The following PPIL2 variants were observed in gnomAD, a reference collection of about 807,000 sequenced individuals.
PPIL2 encodes the protein RING-type E3 ubiquitin-protein ligase PPIL2.
A neutral mutation model predicts 75.2 loss-of-function variants in PPIL2; 50 were observed. The ratio of observed to expected loss-of-function variants is 0.66; its 90% confidence interval spans 0.53 to 0.84. The LOEUF (loss-of-function observed/expected upper bound fraction) is 0.84. Ranked by LOEUF, PPIL2 falls within the 40% of genes least tolerant of loss-of-function variation. The pLI, the probability that PPIL2 is intolerant of heterozygous loss-of-function variation, is 0.00. For synonymous variants in PPIL2, 245 were observed against 258.8 expected, an observed-to-expected ratio of 0.95 and a Z score of 0.51; for missense variants, 590 against 685.0, an observed-to-expected ratio of 0.86 and a Z score of 1.55.
In PPIL2 at chr22:21,697,884, GTAAAT is replaced by G. The variant is rs1234075921; in HGVS notation, c.*2399_*2403del. On this transcript the variant is annotated 3_prime_UTR_variant, in exon 20 of 20. Coordinates refer to ENST00000398831, the MANE Select transcript of PPIL2 (RefSeq NM_014337.4). ...TTTAACGACCTGATGAGGGCATCAGGTAAATTAAAGGATTTTGGGAAGATTCTTAT... is the reference window on the plus strand; with the variant it reads ...TTTAACGACCTGATGAGGGCATCAGGTAAAGGATTTTGGGAAGATTCTTAT... 2 of 152,266 alleles carry G rather than the reference GTAAAT, an allele frequency of 1.3e-5. No individual in the cohort carries two copies. Among genetic ancestry groups the G allele is most frequent in the Admixed American group, 1.3e-4 (2 of 15,282 alleles). The allele number at this position is 152,266 out of a possible 1,614,324, so 9.4% of individuals were successfully genotyped here.
chr22:21,674,888 C>T (rs368502236), intron 5 of PPIL2, among the ~76,000 whole-genome samples, 176 bp from the exon 6 acceptor site: 8 of 152,246 alleles, frequency 5.3e-5, no homozygotes, highest in South Asian at 4.2e-4. Context: ...CACAACTGCC[C>T]GACGCCATCC....
At chr22:21,676,270 G>GTGTT (rs2066840642) in intron 6 of PPIL2, among the ~76,000 whole-genome samples, 1 of 147,440 alleles carries the variant, frequency 6.8e-6, no homozygotes, top group Non-Finnish European at 1.5e-5. Flanking sequence ...GTGTGTGTGT[G>GTGTT]TGTGTGTGTC....
At chr22:21,692,347 G>A (rs5994796) in intron 15 of PPIL2, among the ~76,000 whole-genome samples, 12,825 of 151,236 alleles carry the variant, frequency 0.085, 751 homozygotes, top group Non-Finnish European at 0.13. Context: ...GTAGAGATGG[G>A]GTTTCACCGT....
chr22:21,672,255 C>T (rs1342973374), intron 4 of PPIL2, 75 bp from the exon 5 acceptor site: 1 of 1,359,974 alleles, frequency 7.4e-7, no homozygotes, highest in East Asian at 2.3e-5. Context: ...GGAAGCAGCC[C>T]TGCAAGACCA....
intron 6 of PPIL2, among the ~76,000 whole-genome samples, chr22:21,678,008 C>T (rs2066950971): frequency 6.6e-6 from 1 of 152,106 alleles, no homozygotes; most frequent in African/African-American, 2.4e-5. Flanking sequence ...GTGTCTGTGC[C>T]CAGCTGGGAG....
At chr22:21,672,411 G>A (rs767371177) in intron 5 of PPIL2, 30 bp downstream of exon 5, 1 of 1,560,238 alleles carries the variant, frequency 6.4e-7, no homozygotes. Context: ...TTTCAGTGAT[G>A]CTAGTGAATG....
Position 21,695,842 on chromosome 22 carries a change from G to A in PPIL2, c.*352G>A, listed in dbSNP as rs546197635. 1.0e-4 allele frequency: 121 copies of A among 1,158,738 alleles called. No individual in the cohort carries two copies. In the African/African-American group the frequency reaches 1.9e-3, roughly 18 times the overall value. The allele number at this position is 1,158,738 out of a possible 1,614,324, so 71.8% of individuals were successfully genotyped here. A position where few individuals can be genotyped will look rare whatever the true frequency, so the allele number is the denominator to read the frequency against. ...CTCCAGATTGTGGTTTCCTCTTTAA[G>A]ACAGGGTCTTGCTCTGTTGCCCAGG... is the stretch of plus-strand genomic sequence containing the variant. On this transcript the variant is annotated 3_prime_UTR_variant, in exon 20 of 20. Transcript: ENST00000398831.
chr22:21,681,191 C>A (rs1178812645), intron 6 of PPIL2, 108 bp from the exon 7 acceptor site: 3 of 860,538 alleles, frequency 3.5e-6, no homozygotes, highest in Non-Finnish European at 5.8e-6. Flanking sequence ...CCACCTCCTC[C>A]CATCGCTGAC....
At chr22:21,686,789 C>T (rs2067383333) in intron 11 of PPIL2, 103 bp from the exon 12 acceptor site, 1 of 1,224,484 alleles carries the variant, frequency 8.2e-7, no homozygotes, top group Non-Finnish European at 1.2e-6. Flanking sequence ...CTCCCCAGAG[C>T]TGGAGCCTAG....
In PPIL2 at chr22:21,682,418, C is replaced by T. The variant is rs769754444; in HGVS notation, c.388-19C>T. The T allele has an allele frequency of 6.2e-7, 1 of 1,609,776 alleles. No individual in the cohort carries two copies. Among genetic ancestry groups the T allele is most frequent in the Non-Finnish European group, 8.5e-7 (1 of 1,176,292 alleles). ...AGGCTTGGGGCAGGCATCGTAAAAC[C>T]ACTTCCTCCTGGCTATAGGCAGTGG... On this transcript the variant is annotated intron_variant, in intron 7 of 19. Coordinates refer to ENST00000398831, the MANE Select transcript of PPIL2 (RefSeq NM_014337.4).
At chr22:21,684,564 ACCC>A (rs1373736410) in intron 9 of PPIL2, among the ~76,000 whole-genome samples, 186 bp from the exon 10 acceptor site, 8 of 151,880 alleles carry the variant, frequency 5.3e-5, no homozygotes, top group Non-Finnish European at 1.2e-4. Flanking sequence ...CCATCCTGAG[ACCC>A]TTGTGAACTG....
At position 21,681,458 on chromosome 22, in the gene PPIL2, C is replaced by T. The variant is rs1382481673; in HGVS notation, c.387+68C>T. The T allele has an allele frequency of 1.5e-5, 21 of 1,400,274 alleles. 1 individual carries two copies. The highest frequency in any genetic ancestry group is 6.0e-6 in the Non-Finnish European group (6 of 992,472). The allele number at this position is 1,400,274 out of a possible 1,614,324, so 86.7% of individuals were successfully genotyped here. A position where few individuals can be genotyped will look rare whatever the true frequency, so the allele number is the denominator to read the frequency against. On this transcript the variant is annotated intron_variant, in intron 7 of 19. Coordinates refer to ENST00000398831, the MANE Select transcript of PPIL2 (RefSeq NM_014337.4). ...CTCTGCTGTGTGTTCCTAGTATACA[C>T]TGGCTGGGCTGTGTGCTACGTGTAC...
intron 15 of PPIL2, among the ~76,000 whole-genome samples, chr22:21,691,636 C>T (rs974435217): frequency 2.0e-5 from 3 of 151,830 alleles, no homozygotes; most frequent in Admixed American, 1.3e-4. Context: ...GCCGAGATCG[C>T]GCCACTGCAC....
chr22:21,666,188 C>T (rs777450686), intron 1 of PPIL2, 57 bp downstream of exon 1: 229 of 1,553,786 alleles, frequency 1.5e-4, no homozygotes, highest in Non-Finnish European at 1.9e-4. Context: ...AACCGCCTGT[C>T]CCGCACTGCG....
At position 21,695,009 on chromosome 22, in the gene PPIL2, G is replaced by C. The variant is rs1288780551; in HGVS notation, c.1405G>C (p.Gly469Arg). 1 of 1,613,376 alleles carries C rather than the reference G, an allele frequency of 6.2e-7. No homozygotes were observed. Among genetic ancestry groups the C allele is most frequent in the African/African-American group, 1.3e-5 (1 of 74,936 alleles). Residue 469 changes from glycine (G) to arginine (R), a missense_variant, in exon 19 of 20, where the codon GGG becomes CGG. Coordinates refer to ENST00000398831, the MANE Select transcript of PPIL2 (RefSeq NM_014337.4). ...AGTGAAGAGCAGCCAGCCCCAGGCA[G>C]GGAGCCAGGGCCCCCAGACCTTCCG... ...TKVKSSQPQA[G>R]SQGPQTFRQG...
Position 21,666,067 on chromosome 22 carries a change from T to C in PPIL2, c.-33T>C, listed in dbSNP as rs530543556. The C allele has an allele frequency of 2.2e-5, 36 of 1,610,460 alleles. No homozygotes were observed. The South Asian group carries it at 3.4e-4, about 15-fold the overall frequency. ...GGTCTGAGTTGTCAGCCGTTGTTTT[T>C]TCGTGCTCGCTAGTCGCCGCCGCCG... is the stretch of plus-strand genomic sequence containing the variant. On this transcript the variant is annotated 5_prime_UTR_variant, in exon 1 of 20. Transcript: ENST00000398831.
At chr22:21,683,656 T>C (rs2067224247) in intron 9 of PPIL2, among the ~76,000 whole-genome samples, 1 of 152,336 alleles carries the variant, frequency 6.6e-6, no homozygotes, top group East Asian at 1.9e-4. Context: ...TTGTGAGCAT[T>C]GTTTGAACGG....
At chr22:21,687,863 C>T (rs1026789458) in intron 13 of PPIL2, 131 bp downstream of exon 13, 1 of 1,079,026 alleles carries the variant, frequency 9.3e-7, no homozygotes, top group Non-Finnish European at 1.4e-6. Flanking sequence ...GTTGGTGATC[C>T]TCTGTTGGGG....
chr22:21,676,650 C>T (rs1305299966), intron 6 of PPIL2, among the ~76,000 whole-genome samples: 3 of 151,978 alleles, frequency 2.0e-5, no homozygotes, highest in Non-Finnish European at 2.9e-5. Flanking sequence ...GTGAACACCG[C>T]ACATGTTTCA....
Sources: gnomAD v4.1 joint callset for allele counts (sites outside exome capture counted in the v4.1 genomes callset) on GRCh38, gnomAD v4.1.1 for gene constraint, MANE v1.5 for transcripts, NCBI Gene and HGNC (gene_info 2026-07-23, HGNC 2026-07-21) for gene names.